The following SCAPER variants were observed in gnomAD, a reference collection of about 807,000 sequenced individuals.
SCAPER encodes the protein S phase cyclin A-associated protein in the endoplasmic reticulum.
In SCAPER, 98 loss-of-function variants were observed where a neutral mutation model predicts 182.2. The observed-to-expected ratio is 0.54, with a 90% CI of 0.46 to 0.64. The LOEUF (loss-of-function observed/expected upper bound fraction) is 0.64. Among genes scored for constraint, SCAPER ranks in the 30% least tolerant of loss-of-function variants. SCAPER has a pLI of 0.00. For missense variants in SCAPER, 1,432 were observed against 1,690.0 expected (o/e 0.85, Z 2.68); for synonymous variants, 605 against 564.6 (o/e 1.07, Z -1.01).
rs1314383706 is a variant in SCAPER, at chr15:76,621,793, A to C, written c.2682T>G (p.Asn894Lys). 1.9e-6 allele frequency: 3 copies of C among 1,608,394 alleles called. No individual in the cohort carries two copies. Among genetic ancestry groups the C allele is most frequent in the Non-Finnish European group, 2.5e-6 (3 of 1,177,358 alleles). ...KEYESLMETK[N>K]SGSDSPYKAK... ...CTTTATAAGGTGAATCAGAGCCAGA[A>C]TTTTTGGTTTCCATTAAACTCTCAT... The change falls in exon 22 of 32, where the codon AAT (asparagine) becomes AAG (lysine). Residue 894 changes from asparagine (N) to lysine (K), a missense_variant. By Grantham distance (94) the Asn-to-Lys change is moderately conservative. Coordinates refer to ENST00000563290, the MANE Select transcript of SCAPER (RefSeq NM_020843.4).
chr15:76,898,855 T>C (rs1229098733), intron 1 of SCAPER, among the ~76,000 whole-genome samples: 1 of 152,226 alleles, frequency 6.6e-6, no homozygotes, highest in Non-Finnish European at 1.5e-5. Context: ...GATCCACAAC[T>C]CTGTGAATAC....
At chr15:76,386,744 A>G (rs1465583884) in intron 27 of SCAPER, among the ~76,000 whole-genome samples, 1 of 152,208 alleles carries the variant, frequency 6.6e-6, no homozygotes, top group Admixed American at 6.5e-5. Context: ...CAAGTTCAAC[A>G]AACAGCAAGA....
At chr15:76,638,150 T>A (rs2053798857) in intron 21 of SCAPER, among the ~76,000 whole-genome samples, 1 of 152,186 alleles carries the variant, frequency 6.6e-6, no homozygotes, top group South Asian at 2.1e-4. Context: ...AATTTTGATT[T>A]AATCCAATTT....
chr15:76,681,626 A>C (rs1234166656), intron 20 of SCAPER, among the ~76,000 whole-genome samples: 1 of 152,178 alleles, frequency 6.6e-6, no homozygotes, highest in Non-Finnish European at 1.5e-5. Flanking sequence ...CGGCATGGGG[A>C]TACTGAGAAC....
intron 4 of SCAPER, among the ~76,000 whole-genome samples, chr15:76,843,883 G>A (rs1053017580): frequency 4.6e-5 from 7 of 152,110 alleles, no homozygotes; most frequent in Non-Finnish European, 1.0e-4. Flanking sequence ...AAGAATAGCA[G>A]TGGTAATAAC....
At chr15:76,365,722 A>G (rs1490734310) in intron 29 of SCAPER, among the ~76,000 whole-genome samples, 1 of 152,176 alleles carries the variant, frequency 6.6e-6, no homozygotes, top group Non-Finnish European at 1.5e-5. Flanking sequence ...GATGGGAGGA[A>G]GGCTGGTCAC....
intron 22 of SCAPER, among the ~76,000 whole-genome samples, chr15:76,579,265 CAAAAAAA>C (rs71143342): frequency 3.6e-4 from 18 of 49,496 alleles, no homozygotes; most frequent in East Asian, 7.1e-4. Context: ...GACTCTGTCT[CAAAAAAA>C]AAAAAAAAAA....
At chr15:76,464,977 T>C (rs1055796446) in intron 25 of SCAPER, among the ~76,000 whole-genome samples, 2 of 152,178 alleles carry the variant, frequency 1.3e-5, no homozygotes, top group African/African-American at 4.8e-5. Flanking sequence ...ATTTTCACAG[T>C]GATTAGTGAT....
At chr15:76,572,307 A>T (rs150377293) in intron 23 of SCAPER, among the ~76,000 whole-genome samples, 262 of 152,364 alleles carry the variant, frequency 1.7e-3, no homozygotes, top group Middle Eastern at 0.01. Flanking sequence ...CTTTACAAAA[A>T]TAATCAGTAT....
chr15:76,591,667 T>C (rs1297513529), intron 22 of SCAPER, among the ~76,000 whole-genome samples: 1 of 152,148 alleles, frequency 6.6e-6, no homozygotes, highest in Non-Finnish European at 1.5e-5. Flanking sequence ...AACAATAGAA[T>C]ACTATGTATC....
intron 29 of SCAPER, among the ~76,000 whole-genome samples, chr15:76,373,749 G>A (rs1408620928): frequency 1.3e-5 from 2 of 152,180 alleles, no homozygotes; most frequent in African/African-American, 4.8e-5. Context: ...CTGCAGTGCG[G>A]TTCAGGGAAT....
chr15:76,795,317 G>A lies in SCAPER; in HGVS notation c.735C>T (p.Cys245=). ...AGGCCTTCTGCACTGTCATTGGTGG[G>A]CAAGACTGGGCGGGTGTTATTTCTG... The part of the protein sequence containing the change: ...ASSEITPAQS[C]PPMTVQKASR... The change falls in exon 8 of 32, where the codon TGC becomes TGT. Residue 245 remains cysteine, a synonymous_variant. Transcript: ENST00000563290. 6.2e-7 allele frequency: 1 copy of A among 1,613,004 alleles called. No homozygotes were observed. The highest frequency in any genetic ancestry group is 8.5e-7 in the Non-Finnish European group (1 of 1,179,334).
At chr15:76,667,625 C>CAAAAAAAAAAAA (rs775463270) in intron 20 of SCAPER, among the ~76,000 whole-genome samples, 2 of 27,474 alleles carry the variant, frequency 7.3e-5, no homozygotes, top group African/African-American at 1.3e-4. Context: ...GACTCAGTCT[C>CAAAAAAAAAAAA]AAAAAAAAAA....
chr15:76,607,560 G>T (rs1398847940), intron 22 of SCAPER, among the ~76,000 whole-genome samples: 3 of 152,150 alleles, frequency 2.0e-5, no homozygotes, highest in Admixed American at 1.3e-4. Context: ...TTGAATGGTG[G>T]CCTGCCTTGC....
chr15:76,759,497 G>A (rs2062647558), intron 14 of SCAPER, among the ~76,000 whole-genome samples: 1 of 152,058 alleles, frequency 6.6e-6, no homozygotes, highest in East Asian at 1.9e-4. Flanking sequence ...ATTCATAAGA[G>A]CAGAGGCAAT....
intron 22 of SCAPER, among the ~76,000 whole-genome samples, chr15:76,606,845 CT>C (rs1403105707): frequency 6.6e-6 from 1 of 152,002 alleles, no homozygotes; most frequent in Non-Finnish European, 1.5e-5. Flanking sequence ...CAACTCCTGC[CT>C]TTTTTTGTTT....
chr15:76,845,666 A>G (rs2069994062), intron 4 of SCAPER, among the ~76,000 whole-genome samples: 1 of 151,986 alleles, frequency 6.6e-6, no homozygotes, highest in Non-Finnish European at 1.5e-5. Flanking sequence ...CATCTCTACA[A>G]TGAATACACT....
rs776261865 is a variant in SCAPER at position 76,800,266 on chromosome 15, C to T, written c.593G>A (p.Arg198Gln). 10 of 1,610,404 alleles carry T rather than the reference C, an allele frequency of 6.2e-6. No homozygotes were observed. Among genetic ancestry groups the T allele is most frequent in the Admixed American group, 5.0e-5 (3 of 59,576 alleles). ...ATCTCACCCAAAATTTAAGCTTCGT[C>T]GAGCATTTGATGTTACATTTATTCT... The part of the protein sequence containing the change: ...TDRINVTSNA[R>Q]RSLNFGGSTG... Residue 198 changes from arginine (R) to glutamine (Q), a missense_variant, in exon 7 of 32, where the codon CGA (arginine) becomes CAA (glutamine). This residue lies in a region of SCAPER where 480 missense variants were observed against 510.2 expected (regional missense o/e 0.94). Coordinates refer to ENST00000563290, the MANE Select transcript of SCAPER (RefSeq NM_020843.4).
chr15:76,693,095 T>G (rs2058467430), intron 20 of SCAPER, among the ~76,000 whole-genome samples: 1 of 152,160 alleles, frequency 6.6e-6, no homozygotes, highest in African/African-American at 2.4e-5. Context: ...GCTATGTTAT[T>G]AACAGCATTA....
Sources: allele counts gnomAD v4.1 joint callset (sites outside exome capture counted in the v4.1 genomes callset), GRCh38; gene constraint gnomAD v4.1.1; regional missense constraint gnomAD v4.1.1; transcripts MANE v1.5; gene names NCBI Gene and HGNC (gene_info 2026-07-23, HGNC 2026-07-21).